The following SYK variants were observed in gnomAD, a reference collection of about 807,000 sequenced individuals.
SYK encodes the protein spleen associated tyrosine kinase.
In SYK, 16 loss-of-function variants were observed where a neutral mutation model predicts 77.8. That is an observed-to-expected ratio of 0.21 (90% CI 0.14 to 0.31). The LOEUF (loss-of-function observed/expected upper bound fraction) is 0.31, where lower values mean the gene tolerates loss of function less well. Ranked by LOEUF, SYK falls within the 10% of genes least tolerant of loss-of-function variation. SYK has a pLI of 1.00. For synonymous variants in SYK, 312 were observed against 308.7 expected, an observed-to-expected ratio of 1.01 and a Z score of -0.11; for missense variants, 529 against 814.4, an observed-to-expected ratio of 0.65 and a Z score of 4.26.
intron 7 of SYK, among the ~76,000 whole-genome samples, chr9:90,870,804 G>A (rs1030983749): frequency 6.6e-6 from 1 of 152,164 alleles, no homozygotes; most frequent in Non-Finnish European, 1.5e-5. Flanking sequence ...TGGCTCTTTT[G>A]TCACTATTAT....
rs1002250250 is a variant in SYK, at chr9:90,813,505, G to A, written c.-42+11612G>A. 8.5e-5 allele frequency among the ~76,000 whole-genome samples: 13 copies of A among 152,142 alleles called. No homozygotes were observed. The South Asian group carries it at 2.7e-3, about 32-fold the overall frequency. ...GGTTGTCAGAAGCAGACCAGGCCTCGGGGTCTAGATTCCATCCTTCACTGG... is the reference window on the plus strand; with the variant it reads ...GGTTGTCAGAAGCAGACCAGGCCTCAGGGTCTAGATTCCATCCTTCACTGG... On this transcript the variant is annotated intron_variant, in intron 1 of 13. Transcript: ENST00000375754.
At chr9:90,888,477 A>T (rs200077655) in intron 12 of SYK, 38 bp from the exon 13 acceptor site, 35 of 416,730 alleles carry the variant, frequency 8.4e-5, no homozygotes, top group South Asian at 1.4e-4. Context: ...TAACACCTTT[A>T]AAAAAAAAAA....
chr9:90,839,919 G>GTGTGGTC (rs968900185), intron 1 of SYK, among the ~76,000 whole-genome samples: 1 of 152,154 alleles, frequency 6.6e-6, no homozygotes, highest in African/African-American at 2.4e-5. Flanking sequence ...GTGCAGTCCA[G>GTGTGGTC]TGTGGTCTGT....
At chr9:90,807,862 T>C (rs1347472450) in intron 1 of SYK, among the ~76,000 whole-genome samples, 1 of 152,210 alleles carries the variant, frequency 6.6e-6, no homozygotes, top group East Asian at 1.9e-4. Context: ...GTTGGAGCTC[T>C]AACCTCTCTT....
intron 3 of SYK, among the ~76,000 whole-genome samples, chr9:90,847,816 G>A (rs888145021): frequency 6.6e-6 from 1 of 152,220 alleles, no homozygotes; most frequent in African/African-American, 2.4e-5. Flanking sequence ...AGCACATGTG[G>A]TCATCACTGA....
At chr9:90,836,385 ACT>A (rs1437299549) in intron 1 of SYK, among the ~76,000 whole-genome samples, 2 of 152,188 alleles carry the variant, frequency 1.3e-5, no homozygotes, top group African/African-American at 2.4e-5. Context: ...AATGTGTACA[ACT>A]CTATTATTAA....
intron 3 of SYK, among the ~76,000 whole-genome samples, chr9:90,846,388 G>T (rs2118655754): frequency 6.6e-6 from 1 of 152,306 alleles, no homozygotes. Flanking sequence ...GCAGCCTCAT[G>T]GTTTGGCAAT....
At chr9:90,806,390 CT>C (rs879475874) in intron 1 of SYK, among the ~76,000 whole-genome samples, 99 of 145,004 alleles carry the variant, frequency 6.8e-4, no homozygotes, top group South Asian at 1.3e-3. Flanking sequence ...TGGGACTTTT[CT>C]TTTTTTTTTT....
intron 1 of SYK, among the ~76,000 whole-genome samples, chr9:90,834,256 C>T (rs1040121824): frequency 4.0e-5 from 6 of 150,228 alleles, no homozygotes; most frequent in South Asian, 2.1e-4. Flanking sequence ...TCTGGCTGCC[C>T]GTGCTTTTTC....
chr9:90,865,698 A>G (rs994796488), intron 6 of SYK, among the ~76,000 whole-genome samples: 21 of 152,150 alleles, frequency 1.4e-4, no homozygotes, highest in African/African-American at 5.1e-4. Context: ...ATATTAAATC[A>G]GAAGTAGGCC....
chr9:90,838,876 G>A (rs1826183630), intron 1 of SYK, among the ~76,000 whole-genome samples: 2 of 152,342 alleles, frequency 1.3e-5, no homozygotes, highest in South Asian at 2.1e-4. Flanking sequence ...AGGCGGGAAG[G>A]ACTGAGTCTG....
At chr9:90,890,099 C>A (rs1288354649) in intron 13 of SYK, among the ~76,000 whole-genome samples, 2 of 152,154 alleles carry the variant, frequency 1.3e-5, no homozygotes, top group Admixed American at 1.3e-4. Flanking sequence ...AACGTTGATG[C>A]TGATCTATGT....
At chr9:90,887,141 GT>G (rs920471573) in intron 11 of SYK, among the ~76,000 whole-genome samples, 4 of 152,146 alleles carry the variant, frequency 2.6e-5, no homozygotes, top group African/African-American at 9.7e-5. Flanking sequence ...ATTTGATTTA[GT>G]TCTAGGAAGT....
intron 1 of SYK, among the ~76,000 whole-genome samples, chr9:90,835,162 G>C (rs1826024000): frequency 6.6e-6 from 1 of 152,232 alleles, no homozygotes; most frequent in South Asian, 2.1e-4. Context: ...GTGATGAATG[G>C]TGCCAGATGG....
chr9:90,867,120 G>A lies in SYK; in HGVS notation c.847-11G>A, dbSNP rs34702411. ...ACATTTACTGTTCCTCTTTGCCGTTGTGGTTTCTAGACTTGGTCAGCGGGT... is the reference window on the plus strand; with the variant it reads ...ACATTTACTGTTCCTCTTTGCCGTTATGGTTTCTAGACTTGGTCAGCGGGT... On this transcript the variant is annotated splice_polypyrimidine_tract_variant and intron_variant, in intron 6 of 13. Transcript: ENST00000375754. The A allele has an allele frequency of 1.4e-3, 2,197 of 1,614,006 alleles. 3 individuals are homozygous for A. The highest frequency in any genetic ancestry group is 2.3e-3 in the Middle Eastern group (14 of 6,026).
chr9:90,843,819 G>T, intron 1 of SYK, 39 bp from the exon 2 acceptor site: 2 of 1,385,528 alleles, frequency 1.4e-6, no homozygotes, highest in African/African-American at 2.9e-5. Flanking sequence ...CCTGCCACGT[G>T]GGGTCCTCAC....
intron 1 of SYK, among the ~76,000 whole-genome samples, chr9:90,828,244 C>CG (rs1554706459): frequency 3.5e-5 from 4 of 114,824 alleles, no homozygotes; most frequent in African/African-American, 6.3e-5. Flanking sequence ...CGCCCCCCCC[C>CG]CCGCCCCGCC....
intron 7 of SYK, among the ~76,000 whole-genome samples, chr9:90,872,163 G>A (rs569383184): frequency 6.6e-6 from 1 of 152,292 alleles, no homozygotes; most frequent in East Asian, 1.9e-4. Context: ...TTGCGTTCTG[G>A]TTTAATTGGA....
chr9:90,826,045 A>T (rs929312846), intron 1 of SYK, among the ~76,000 whole-genome samples: 1 of 152,196 alleles, frequency 6.6e-6, no homozygotes, highest in African/African-American at 2.4e-5. Flanking sequence ...TGATGCTGAC[A>T]TTGCTGGTCC....
Sources: gnomAD v4.1 joint callset for allele counts (sites outside exome capture counted in the v4.1 genomes callset) on GRCh38, gnomAD v4.1.1 for gene constraint, MANE v1.5 for transcripts, NCBI Gene and HGNC (gene_info 2026-07-23, HGNC 2026-07-21) for gene names.